The following UBXN7 variants were observed in gnomAD, a reference collection of about 807,000 sequenced individuals.
UBXN7 encodes UBX domain protein 7.
Under a neutral mutation model 58.0 loss-of-function variants are expected in UBXN7, and 9 were observed. The ratio of observed to expected loss-of-function variants is 0.16; its 90% confidence interval spans 0.09 to 0.27. UBXN7 has a LOEUF of 0.27. Among genes scored for constraint, UBXN7 ranks in the 10% least tolerant of loss-of-function variants. UBXN7 has a pLI of 1.00. For synonymous variants in UBXN7, 208 were observed against 205.0 expected, an observed-to-expected ratio of 1.01 and a Z score of -0.12; for missense variants, 328 against 599.6, an observed-to-expected ratio of 0.55 and a Z score of 4.73.
chr3:196,350,587 A>G lies in UBXN7; in HGVS notation c.*6098T>C, dbSNP rs1728186908. The G allele has an allele frequency of 2.1e-5, 1 of 47,068 alleles. No individual in the cohort carries two copies. The highest frequency in any genetic ancestry group is 6.7e-5 in the African/African-American group (1 of 14,916). The allele number at this position is 47,068 out of a possible 1,614,324, so 2.9% of individuals were successfully genotyped here. A position where few individuals can be genotyped will look rare whatever the true frequency, so the allele number is the denominator to read the frequency against. ...AAGCAGGATTAAAAGATTTCTAATT[A>G]AGGGTCTGTCACTTCACAGGACAAC... On this transcript the variant is annotated 3_prime_UTR_variant, in exon 11 of 11. Coordinates refer to ENST00000296328, the MANE Select transcript of UBXN7 (RefSeq NM_015562.2).
At chr3:196,386,185 C>T (rs369223243) in intron 5 of UBXN7, among the ~76,000 whole-genome samples, 1 of 151,610 alleles carries the variant, frequency 6.6e-6, no homozygotes, top group African/African-American at 2.4e-5. Flanking sequence ...GCAGCATACT[C>T]GTTAAGCGTC....
chr3:196,393,520 G>A (rs768491830), intron 4 of UBXN7, 34 bp downstream of exon 4: 4 of 1,586,412 alleles, frequency 2.5e-6, no homozygotes, highest in Non-Finnish European at 1.7e-6. Flanking sequence ...AGGAAGAGAA[G>A]AGGGAGATGA....
intron 3 of UBXN7, chr3:196,400,324 G>T (rs1297250843): frequency 1.3e-5 from 2 of 152,194 alleles, no homozygotes; most frequent in African/African-American, 4.8e-5. Flanking sequence ...AATCAATACT[G>T]TCTTAAGAAA....
chr3:196,397,317 A>G (rs1189238764), intron 3 of UBXN7, among the ~76,000 whole-genome samples: 1 of 152,232 alleles, frequency 6.6e-6, no homozygotes, highest in Non-Finnish European at 1.5e-5. Flanking sequence ...TAGTGAGAAG[A>G]GTGGCACTGT....
intron 5 of UBXN7, among the ~76,000 whole-genome samples, chr3:196,378,282 T>A (rs1729093135): frequency 6.6e-6 from 1 of 152,204 alleles, no homozygotes; most frequent in Non-Finnish European, 1.5e-5. Context: ...GCATCTGGAT[T>A]TCCTAGTGTC....
intron 5 of UBXN7, among the ~76,000 whole-genome samples, chr3:196,388,428 C>T (rs1246151529): frequency 6.6e-6 from 1 of 151,776 alleles, no homozygotes; most frequent in African/African-American, 2.4e-5. Context: ...GCGCATGTAC[C>T]CTAGAACTTA....
intron 1 of UBXN7, among the ~76,000 whole-genome samples, chr3:196,411,912 C>T (rs1730340257): frequency 6.6e-6 from 1 of 152,094 alleles, no homozygotes; most frequent in South Asian, 2.1e-4. Flanking sequence ...ACCAAATAAA[C>T]TCATTTCATA....
At chr3:196,374,187 TAA>T (rs938519079) in intron 5 of UBXN7, among the ~76,000 whole-genome samples, 11 of 152,180 alleles carry the variant, frequency 7.2e-5, no homozygotes, top group African/African-American at 2.4e-4. Flanking sequence ...TAAATTTACA[TAA>T]GTCTGCCCCA....
At chr3:196,367,034 T>G (rs1728690854) in intron 8 of UBXN7, among the ~76,000 whole-genome samples, 1 of 151,898 alleles carries the variant, frequency 6.6e-6, no homozygotes, top group Non-Finnish European at 1.5e-5. Flanking sequence ...ACTACAAAAA[T>G]TAGCCAGATG....
chr3:196,421,697 A>C (rs910705756), intron 1 of UBXN7, among the ~76,000 whole-genome samples: 1 of 151,762 alleles, frequency 6.6e-6, no homozygotes, highest in Non-Finnish European at 1.5e-5. Context: ...GAACAGCTTG[A>C]AACTGGGAGG....
chr3:196,361,278 G>A (rs1301975186), intron 10 of UBXN7, among the ~76,000 whole-genome samples: 5 of 152,172 alleles, frequency 3.3e-5, no homozygotes, highest in African/African-American at 1.2e-4. Context: ...ATTAAAGGGA[G>A]GGGGGTTGCT....
At chr3:196,388,917 T>C (rs1055682391) in intron 5 of UBXN7, among the ~76,000 whole-genome samples, 25 of 152,008 alleles carry the variant, frequency 1.6e-4, no homozygotes, top group African/African-American at 5.6e-4. Flanking sequence ...AAGTATAATA[T>C]TATCAGTGAA....
intron 3 of UBXN7, among the ~76,000 whole-genome samples, chr3:196,398,104 G>A (rs1729833170): frequency 6.6e-6 from 1 of 152,158 alleles, no homozygotes; most frequent in Non-Finnish European, 1.5e-5. Flanking sequence ...TCCGTTTTGG[G>A]CTGCCCTCTC....
intron 3 of UBXN7, 23 bp from the exon 4 acceptor site, chr3:196,393,642 T>C (rs1205175421): frequency 3.8e-6 from 6 of 1,589,038 alleles, no homozygotes; most frequent in Non-Finnish European, 5.1e-6. Context: ...AAAATAGAAT[T>C]GAAAATTTTT....
chr3:196,396,962 G>C (rs1729795374), intron 3 of UBXN7, among the ~76,000 whole-genome samples: 1 of 151,996 alleles, frequency 6.6e-6, no homozygotes, highest in Non-Finnish European at 1.5e-5. Flanking sequence ...ATACTCACTA[G>C]TTCCTCTTAT....
intron 5 of UBXN7, 53 bp downstream of exon 5, chr3:196,391,760 A>T: frequency 7.2e-7 from 1 of 1,392,260 alleles, no homozygotes; most frequent in Non-Finnish European, 1.0e-6. Context: ...AAAAAAAGGC[A>T]TTGAAAATGC....
intron 10 of UBXN7, among the ~76,000 whole-genome samples, chr3:196,359,617 T>C (rs539870613): frequency 7.2e-5 from 11 of 152,192 alleles, no homozygotes; most frequent in Admixed American, 7.2e-4. Flanking sequence ...ACACAAATGA[T>C]AACAAAGCAA....
intron 10 of UBXN7, among the ~76,000 whole-genome samples, chr3:196,359,830 C>T (rs1241230839): frequency 6.6e-6 from 1 of 151,646 alleles, no homozygotes; most frequent in Admixed American, 6.6e-5. Context: ...TGCTTGAACC[C>T]GGGAGGCGGA....
rs188949162 is a variant in UBXN7 at position 196,351,679 on chromosome 3, G to A, written c.*5006C>T. ...AGTCCAATTATCTCATTTTTCAGAC[G>A]AGAAACCAGAGATTAAGAAGAAAGA... is the stretch of plus-strand genomic sequence containing the variant. On this transcript the variant is annotated 3_prime_UTR_variant, in exon 11 of 11. Coordinates refer to ENST00000296328, the MANE Select transcript of UBXN7 (RefSeq NM_015562.2). 31 of 152,202 alleles carry A rather than the reference G, an allele frequency of 2.0e-4. No homozygotes were observed. In the East Asian group the frequency reaches 4.1e-3, roughly 20 times the overall value. 9.4% of individuals were successfully genotyped at this position (152,202 alleles called of 1,614,324 possible).
Sources: allele counts gnomAD v4.1 joint callset (sites outside exome capture counted in the v4.1 genomes callset), GRCh38; gene constraint gnomAD v4.1.1; transcripts MANE v1.5; gene names NCBI Gene and HGNC (gene_info 2026-07-23, HGNC 2026-07-21).